Variants in KARS1 observed in about 807,000 individuals in gnomAD.
KARS1 encodes lysine--tRNA ligase.
KARS1 carries 50 observed loss-of-function variants against 63.9 expected under a neutral mutation model. The observed-to-expected ratio is 0.78, with a 90% confidence interval of 0.62 to 0.99. KARS1 has a LOEUF of 0.99. Ranked by LOEUF, KARS1 falls within the 50% of genes least tolerant of loss-of-function variation. The pLI is 0.00. For missense variants in KARS1, 816 were observed against 754.5 expected (o/e 1.08, Z -0.95); for synonymous variants, 320 against 264.6 (o/e 1.21, Z -2.03).
intron 3 of KARS1, among the ~76,000 whole-genome samples, chr16:75,637,662 C>G (rs2151807170): frequency 6.6e-6 from 1 of 151,858 alleles, no homozygotes; most frequent in East Asian, 1.9e-4. Flanking sequence ...GCCTGTAATC[C>G]CAGCTACTTG....
chr16:75,634,144 A>C (rs1158413341), intron 7 of KARS1, 29 bp downstream of exon 7: 1 of 1,611,344 alleles, frequency 6.2e-7, no homozygotes, highest in East Asian at 2.2e-5. Context: ...TGCTTCTTTA[A>C]GGGAAAAGGG....
At chr16:75,636,352 C>A (rs1363035285) in intron 4 of KARS1, 102 bp downstream of exon 4, 9 of 883,534 alleles carry the variant, frequency 1.0e-5, no homozygotes, top group Non-Finnish European at 1.7e-5. Flanking sequence ...ATGTCCCACT[C>A]CTTCTTACTC....
At chr16:75,646,979 G>A (rs1260039957) in intron 1 of KARS1, among the ~76,000 whole-genome samples, 2 of 152,110 alleles carry the variant, frequency 1.3e-5, no homozygotes, top group East Asian at 1.9e-4. Context: ...CATACTCCAG[G>A]GATTTGGGAG....
At chr16:75,629,377 G>A in intron 12 of KARS1, 38 bp downstream of exon 12, 15 of 1,613,044 alleles carry the variant, frequency 9.3e-6, no homozygotes, top group Non-Finnish European at 1.3e-5. Context: ...ATTTCCTGGT[G>A]AGTTGGCACA....
At chr16:75,628,147 T>G (rs1026989894) in intron 13 of KARS1, among the ~76,000 whole-genome samples, 154 bp from the exon 14 acceptor site, 3 of 152,224 alleles carry the variant, frequency 2.0e-5, no homozygotes, top group Non-Finnish European at 2.9e-5. Context: ...TTATTTCAAC[T>G]CAGACCCTCT....
intron 1 of KARS1, among the ~76,000 whole-genome samples, chr16:75,646,281 G>A (rs546195714): frequency 8.5e-5 from 13 of 152,312 alleles, no homozygotes; most frequent in African/African-American, 2.9e-4. Flanking sequence ...TCAGGCTCAC[G>A]CCTGTCATCC....
chr16:75,633,349 T>C (rs898843584), intron 7 of KARS1, among the ~76,000 whole-genome samples: 5 of 152,194 alleles, frequency 3.3e-5, no homozygotes, highest in Non-Finnish European at 2.9e-5. Context: ...CCGCAGCTAA[T>C]GCCCTCTTGT....
At chr16:75,645,202 T>A (rs190689847) in intron 1 of KARS1, among the ~76,000 whole-genome samples, 1,638 of 147,260 alleles carry the variant, frequency 0.011, 30 homozygotes, top group African/African-American at 0.037. Context: ...GAAATGTTAA[T>A]CAGAAAAAAA....
Position 75,634,281 on chromosome 16 carries a change from G to A in KARS1, c.807C>T (p.Pro269=), listed in dbSNP as rs752616530. Residue 269 remains proline, a synonymous_variant, in exon 7 of 14, where the codon CCC becomes CCT. Transcript: ENST00000302445. The stretch of plus-strand genomic sequence containing the variant: ...CTCCCCCTGGGATGATGTTCATCAT[G>A]GGAGTTTCAATCTAAAAAAGGCAGG... ...DELGFLEIET[P]MMNIIPGGAV... is the part of the protein sequence containing the mutation. The A allele has an allele frequency of 1.2e-6, 2 of 1,613,976 alleles. No homozygotes were observed. The highest frequency in any genetic ancestry group is 1.7e-6 in the Non-Finnish European group (2 of 1,179,896).
At chr16:75,632,438 G>A (rs1384067075) in intron 7 of KARS1, among the ~76,000 whole-genome samples, 1 of 152,182 alleles carries the variant, frequency 6.6e-6, no homozygotes, top group Non-Finnish European at 1.5e-5. Flanking sequence ...CCTCTCTTGG[G>A]GTTAGGCTGC....
intron 13 of KARS1, 25 bp from the exon 14 acceptor site, chr16:75,628,018 G>A (rs2082070449): frequency 7.6e-7 from 1 of 1,317,424 alleles, no homozygotes; most frequent in South Asian, 1.2e-5. Flanking sequence ...AATGTACCTT[G>A]AAGCTGAGAA....
chr16:75,633,363 G>A (rs1480120535), intron 7 of KARS1, among the ~76,000 whole-genome samples: 1 of 152,102 alleles, frequency 6.6e-6, no homozygotes, highest in African/African-American at 2.4e-5. Context: ...CTCTTGTGAG[G>A]AGCAATACCT....
chr16:75,636,331 C>T, intron 4 of KARS1, 123 bp downstream of exon 4: 1 of 823,602 alleles, frequency 1.2e-6, no homozygotes, highest in Non-Finnish European at 2.1e-6. Flanking sequence ...TCTTCTCAGC[C>T]TTCCCCAACC....
intron 2 of KARS1, 30 bp from the exon 3 acceptor site, chr16:75,640,379 C>G (rs2151809522): frequency 6.4e-7 from 1 of 1,564,128 alleles, no homozygotes; most frequent in Non-Finnish European, 8.8e-7. Flanking sequence ...AAAAGCCCTT[C>G]AGAAGTTGAA....
At chr16:75,629,383 G>A in intron 12 of KARS1, 32 bp downstream of exon 12, 1 of 1,613,040 alleles carries the variant, frequency 6.2e-7, no homozygotes, top group South Asian at 1.1e-5. Context: ...TGGTGAGTTG[G>A]CACAGCTTCT....
chr16:75,641,177 C>A (rs558683065), intron 2 of KARS1, among the ~76,000 whole-genome samples: 60 of 150,266 alleles, frequency 4.0e-4, no homozygotes, highest in African/African-American at 1.5e-3. Context: ...AAAACAAAAA[C>A]AAAAACAAAA....
At position 75,634,154 on chromosome 16, in the gene KARS1, G is replaced by T. The variant is rs1415717077; in HGVS notation, c.915+19C>A. 1.2e-6 allele frequency: 2 copies of T among 1,612,432 alleles called. No individual in the cohort carries two copies. The highest frequency in any genetic ancestry group is 2.7e-5 in the African/African-American group (2 of 74,884). On this transcript the variant is annotated intron_variant, in intron 7 of 13. Coordinates refer to ENST00000302445, the MANE Select transcript of KARS1 (RefSeq NM_005548.3). ...CTTTCTGCTTCTTTAAGGGAAAAGG[G>T]TGTACTATTACTGACTACCTTATGA...
At chr16:75,631,367 G>C (rs2082111103) in intron 9 of KARS1, 49 bp downstream of exon 9, 2 of 1,597,472 alleles carry the variant, frequency 1.3e-6, no homozygotes, top group African/African-American at 1.3e-5. Flanking sequence ...ATTCAGAGCT[G>C]AACAGGAAGG....
intron 1 of KARS1, among the ~76,000 whole-genome samples, chr16:75,644,991 G>C (rs566621917): frequency 6.6e-6 from 1 of 152,328 alleles, no homozygotes. Context: ...CTTAGACTGC[G>C]TTATGTTTAT....
Sources: gnomAD v4.1 joint callset for allele counts (sites outside exome capture counted in the v4.1 genomes callset) on GRCh38, gnomAD v4.1.1 for gene constraint, MANE v1.5 for transcripts, NCBI Gene and HGNC (gene_info 2026-07-23, HGNC 2026-07-21) for gene names.